The following ST6GALNAC3 variants were observed in gnomAD, a reference collection of about 807,000 sequenced individuals.
ST6GALNAC3 encodes ST6 N-acetylgalactosaminide alpha-2,6-sialyltransferase 3, also known as alpha-N-acetylgalactosaminide alpha-2,6-sialyltransferase 3.
In ST6GALNAC3, 25 loss-of-function variants were observed where a neutral mutation model predicts 32.7. The observed-to-expected ratio is 0.76, with a 90% CI of 0.56 to 1.07. The LOEUF is 1.07. ST6GALNAC3 is among the 50% of genes least tolerant of loss of function. The pLI, the probability that ST6GALNAC3 is intolerant of heterozygous loss-of-function variation, is 0.00. For synonymous variants in ST6GALNAC3, 129 were observed against 133.1 expected (o/e 0.97, Z 0.21); for missense variants, 355 against 382.4 (o/e 0.93, Z 0.60).
At chr1:76,402,197 T>C (rs1272874059) in intron 2 of ST6GALNAC3, among the ~76,000 whole-genome samples, 1 of 152,220 alleles carries the variant, frequency 6.6e-6, no homozygotes, top group African/African-American at 2.4e-5. Flanking sequence ...GAAGGCGTAC[T>C]TATAGTACAG....
In ST6GALNAC3 at chr1:76,630,934, A is replaced by G; in HGVS notation, c.*2128A>G. On this transcript the variant is annotated 3_prime_UTR_variant, in exon 5 of 5. Coordinates refer to ENST00000328299, the MANE Select transcript of ST6GALNAC3 (RefSeq NM_152996.4). ...TTGTTTCACTTTAAAATAAAAAGAA[A>G]TCCTTGATTAATCAGAATGGCTTGG... is the stretch of plus-strand genomic sequence containing the variant. 1.0e-6 allele frequency: 1 copy of G among 985,528 alleles called. No homozygotes were observed. The highest frequency in any genetic ancestry group is 1.2e-6 in the Non-Finnish European group (1 of 829,712). The allele number at this position is 985,528 out of a possible 1,614,324, so 61.0% of individuals were successfully genotyped here.
intron 1 of ST6GALNAC3, among the ~76,000 whole-genome samples, chr1:76,114,532 G>A (rs571150311): frequency 6.2e-4 from 95 of 152,196 alleles, no homozygotes; most frequent in Non-Finnish European, 1.0e-3. Flanking sequence ...TTAAAATGAC[G>A]CATGCATAAT....
intron 3 of ST6GALNAC3, among the ~76,000 whole-genome samples, chr1:76,571,020 G>A (rs887602184): frequency 6.6e-6 from 1 of 151,920 alleles, no homozygotes; most frequent in South Asian, 2.1e-4. Flanking sequence ...TTCCTCTCTC[G>A]AAATTGCTCT....
chr1:76,289,113 G>A (rs960977436), intron 1 of ST6GALNAC3, among the ~76,000 whole-genome samples: 8 of 152,148 alleles, frequency 5.3e-5, no homozygotes, highest in Admixed American at 2.6e-4. Context: ...TATGTTTATA[G>A]GACCTTATGT....
At chr1:76,204,144 T>C (rs1654691697) in intron 1 of ST6GALNAC3, among the ~76,000 whole-genome samples, 1 of 152,192 alleles carries the variant, frequency 6.6e-6, no homozygotes. Context: ...AGTGAGAACA[T>C]GCAATTGTTG....
At chr1:76,634,841 A>AG (rs752505639), downstream of ST6GALNAC3, among the ~76,000 whole-genome samples, 1 of 94,808 alleles carries the variant, frequency 1.1e-5, no homozygotes, top group East Asian at 2.2e-4. Context: ...CTGGGACTAC[A>AG]GGCGCCCGCC....
rs1166641027 is a variant in ST6GALNAC3, at chr1:76,236,541, A to G, written c.19-77264A>G. On this transcript the variant is annotated intron_variant, in intron 1 of 4. Coordinates refer to ENST00000328299, the MANE Select transcript of ST6GALNAC3 (RefSeq NM_152996.4). ...GATACTATATTGTCAAAAACTTCTA[A>G]TCCTCGTAGAAACCTTCAAAGTGTG... Among the ~76,000 whole-genome samples the G allele has an allele frequency of 2.0e-5, 3 of 152,200 alleles. No individual in the cohort carries two copies. In the East Asian group the frequency reaches 5.8e-4, roughly 29 times the overall value.
intron 3 of ST6GALNAC3, among the ~76,000 whole-genome samples, chr1:76,588,335 T>G (rs907064947): frequency 1.3e-5 from 2 of 152,170 alleles, no homozygotes; most frequent in African/African-American, 4.8e-5. Flanking sequence ...CCTTTCATGT[T>G]TTCTTGGTTT....
chr1:76,431,998 T>C (rs1401001953), intron 3 of ST6GALNAC3, among the ~76,000 whole-genome samples: 1 of 152,192 alleles, frequency 6.6e-6, no homozygotes, highest in Non-Finnish European at 1.5e-5. Flanking sequence ...TCCCTCTCTC[T>C]CCCCTAACCC....
chr1:76,464,120 C>T (rs1382493369), intron 3 of ST6GALNAC3, among the ~76,000 whole-genome samples: 1 of 152,140 alleles, frequency 6.6e-6, no homozygotes, highest in Non-Finnish European at 1.5e-5. Context: ...ACTCCTAAAT[C>T]ACCCTTTTGA....
intron 1 of ST6GALNAC3, among the ~76,000 whole-genome samples, chr1:76,216,234 T>G (rs1204378696): frequency 1.3e-5 from 2 of 152,152 alleles, no homozygotes; most frequent in African/African-American, 4.8e-5. Flanking sequence ...TTCTTTCTTT[T>G]TAGTGTTTCT....
chr1:76,171,088 GGTGTGTGTGT>G (rs71071988), intron 1 of ST6GALNAC3, among the ~76,000 whole-genome samples: 330 of 149,516 alleles, frequency 2.2e-3, no homozygotes, highest in African/African-American at 5.5e-3. Flanking sequence ...CATTGAGAGG[GGTGTGTGTGT>G]GTGTGTGTGT....
At position 76,412,189 on chromosome 1, in the gene ST6GALNAC3, G is replaced by A; in HGVS notation, c.395G>A (p.Ser132Asn). The A allele has an allele frequency of 6.2e-7, 1 of 1,613,684 alleles. No homozygotes were observed. Among genetic ancestry groups the A allele is most frequent in the Non-Finnish European group, 8.5e-7 (1 of 1,179,786 alleles). The change falls in exon 3 of 5, where the codon AGC becomes AAC. Residue 132 changes from serine (S) to asparagine (N), a missense_variant. Physicochemically the swap from Ser to Asn is conservative, Grantham distance 46. Transcript: ENST00000328299. ...MTMIRVVSHT[S>N]VPLLLKNPDY... Reference sequence around the variant, plus strand: ...ATGATTCGAGTTGTGTCCCATACCAGCGTTCCTCTTTTGCTAAAAAACCCT... The same window carrying A: ...ATGATTCGAGTTGTGTCCCATACCAACGTTCCTCTTTTGCTAAAAAACCCT...
rs190291197 is a variant in ST6GALNAC3, at chr1:76,251,892, C to T, written c.19-61913C>T. On this transcript the variant is annotated intron_variant, in intron 1 of 4. Coordinates refer to ENST00000328299, the MANE Select transcript of ST6GALNAC3 (RefSeq NM_152996.4). The stretch of plus-strand genomic sequence containing the variant: ...TGCTTAGTGCCTCACTCAGAAGATA[C>T]GCTCCTTAAAGGGCCTAAGGAAGGA... 1.9e-4 allele frequency among the ~76,000 whole-genome samples: 29 copies of T among 152,176 alleles called. No homozygotes were observed. The East Asian group carries it at 2.1e-3, about 11-fold the overall frequency.
At chr1:76,576,385 A>G (rs776247608) in intron 3 of ST6GALNAC3, among the ~76,000 whole-genome samples, 1 of 152,078 alleles carries the variant, frequency 6.6e-6, no homozygotes. Context: ...CAAAATGTCC[A>G]AAATGCAATT....
At chr1:76,441,458 C>T (rs1656599363) in intron 3 of ST6GALNAC3, among the ~76,000 whole-genome samples, 1 of 152,042 alleles carries the variant, frequency 6.6e-6, no homozygotes, top group African/African-American at 2.4e-5. Context: ...AGAACTCCAA[C>T]CCAGATCTGA....
At chr1:76,599,717 CGTGTGTGTGTGTGTGTGTGTGTGT>C (rs5775354) in intron 3 of ST6GALNAC3, among the ~76,000 whole-genome samples, 4 of 142,028 alleles carry the variant, frequency 2.8e-5, no homozygotes, top group East Asian at 2.1e-4. Context: ...ACTACCGTAT[CGTGTGTGTGTGTGTGTGTGTGTGT>C]GTGTGTGTGT....
intron 1 of ST6GALNAC3, among the ~76,000 whole-genome samples, chr1:76,097,927 A>T (rs1042567064): frequency 1.4e-5 from 2 of 147,462 alleles, no homozygotes; most frequent in Non-Finnish European, 3.0e-5. Context: ...AGGTTTTGTT[A>T]TTTTTTTTTT....
At chr1:76,246,913 C>T (rs1254614967) in intron 1 of ST6GALNAC3, among the ~76,000 whole-genome samples, 3 of 152,202 alleles carry the variant, frequency 2.0e-5, no homozygotes, top group Non-Finnish European at 4.4e-5. Context: ...AGCATTTTCG[C>T]ACTGGTTTTT....
Sources: allele counts gnomAD v4.1 joint callset (sites outside exome capture counted in the v4.1 genomes callset), GRCh38; gene constraint gnomAD v4.1.1; transcripts MANE v1.5; gene names NCBI Gene and HGNC (gene_info 2026-07-23, HGNC 2026-07-21).